Variants in UGT1A8 observed in about 807,000 individuals in gnomAD.
UGT1A8 encodes UDP glucuronosyltransferase family 1 member A8, also known as UDP-glucuronosyltransferase 1A8.
A neutral mutation model predicts 45.3 loss-of-function variants in UGT1A8; 39 were observed. The observed-to-expected ratio is 0.86, with a 90% CI of 0.67 to 1.12. The LOEUF is 1.12. Ranked by LOEUF, UGT1A8 falls within the 50% of genes most tolerant of loss-of-function variation. The pLI is 0.00. For missense variants in UGT1A8, 719 were observed against 664.9 expected, an observed-to-expected ratio of 1.08 and a Z score of -0.90; for synonymous variants, 275 against 249.2, an observed-to-expected ratio of 1.10 and a Z score of -0.97.
Position 233,729,631 on chromosome 2 carries a change from A to G in UGT1A8, c.856-37403A>G, listed in dbSNP as rs141036072. The stretch of plus-strand genomic sequence containing the variant: ...GCTGGCTAAGTACCTGTCGATTCCT[A>G]CTGTGTTTTTTTTGAGGAACATTCC... On this transcript the variant is annotated intron_variant, in intron 1 of 4. Coordinates refer to ENST00000373450, the MANE Select transcript of UGT1A8 (RefSeq NM_019076.5). 1,000 of 1,613,764 alleles carry G rather than the reference A, an allele frequency of 6.2e-4. 4 individuals are homozygous for G. The highest frequency in any genetic ancestry group is 6.0e-4 in the Non-Finnish European group (708 of 1,179,854).
chr2:233,620,360 T>C (rs1166042648), intron 1 of UGT1A8, among the ~76,000 whole-genome samples: 3 of 152,174 alleles, frequency 2.0e-5, no homozygotes, highest in Non-Finnish European at 4.4e-5. Flanking sequence ...GCACCACCCA[T>C]GTGTTGCCTG....
chr2:233,739,515 T>C (rs1354597011), intron 1 of UGT1A8, among the ~76,000 whole-genome samples: 1 of 152,234 alleles, frequency 6.6e-6, no homozygotes, highest in Non-Finnish European at 1.5e-5. Context: ...ATGTGAGACA[T>C]GAAGTCAAGG....
chr2:233,626,209 T>C (rs998936866), intron 1 of UGT1A8, among the ~76,000 whole-genome samples: 1 of 152,070 alleles, frequency 6.6e-6, no homozygotes, highest in African/African-American at 2.4e-5. Context: ...CCCATTTGCT[T>C]TAGTTTCAGT....
chr2:233,749,231 T>A (rs10178992), intron 1 of UGT1A8, among the ~76,000 whole-genome samples: 55,848 of 151,690 alleles, frequency 0.37, 10,811 homozygotes, highest in African/African-American at 0.42. Context: ...CTTCATTTTT[T>A]AAAATCAAAC....
At chr2:233,647,242 G>A (rs775039796) in intron 1 of UGT1A8, among the ~76,000 whole-genome samples, 1 of 152,146 alleles carries the variant, frequency 6.6e-6, no homozygotes, top group Non-Finnish European at 1.5e-5. Context: ...AATTCAAGAT[G>A]AGCTTTGGGT....
intron 1 of UGT1A8, chr2:233,744,109 G>C: frequency 2.5e-6 from 1 of 395,016 alleles, no homozygotes; most frequent in Non-Finnish European, 4.6e-6. Context: ...GACTGGCCCT[G>C]CTCTCTGTGA....
chr2:233,651,572 C>T (rs1327687110), intron 1 of UGT1A8, among the ~76,000 whole-genome samples: 1 of 151,878 alleles, frequency 6.6e-6, no homozygotes, highest in Admixed American at 6.6e-5. Context: ...CAAAGAGTGC[C>T]CTTTGACAAA....
chr2:233,718,727 A>C (rs1248220003), intron 1 of UGT1A8: 2 of 1,610,746 alleles, frequency 1.2e-6, no homozygotes, highest in East Asian at 2.2e-5. Context: ...CTGATTTGCT[A>C]GGTGGCTCAA....
At chr2:233,734,495 T>C (rs541063425) in intron 1 of UGT1A8, among the ~76,000 whole-genome samples, 38 of 152,346 alleles carry the variant, frequency 2.5e-4, no homozygotes, top group African/African-American at 9.1e-4. Flanking sequence ...TTGAAGGTTT[T>C]TTTGTGTCTC....
intron 1 of UGT1A8, chr2:233,754,734 T>C (rs1381377212): frequency 1.5e-6 from 1 of 652,198 alleles, no homozygotes; most frequent in Middle Eastern, 2.9e-4. Flanking sequence ...ATCACTACCG[T>C]AGGACATGCA....
intron 1 of UGT1A8, among the ~76,000 whole-genome samples, chr2:233,731,931 T>A (rs963793811): frequency 5.3e-5 from 8 of 152,216 alleles, no homozygotes; most frequent in Non-Finnish European, 1.0e-4. Context: ...TTTCTCCACA[T>A]CCTCTCCAAC....
chr2:233,636,937 G>A lies in UGT1A8; in HGVS notation c.855+18375G>A, dbSNP rs10187694. 2,362 of 1,614,128 alleles carry A rather than the reference G, an allele frequency of 1.5e-3. 36 individuals are homozygous for A. In the African/African-American group the frequency reaches 0.028, roughly 19 times the overall value. On this transcript the variant is annotated intron_variant, in intron 1 of 4. Transcript: ENST00000373450. ...CCGAAAATTAGTAGAATACTTAAAG[G>A]AGAGTTCTTTTGATGCAGTGTTTCT...
rs373150809 is a variant in UGT1A8, at chr2:233,672,158, A to G, written c.855+53596A>G. 1.4e-5 allele frequency: 22 copies of G among 1,614,080 alleles called. No homozygotes were observed. The highest frequency in any genetic ancestry group is 8.9e-5 in the East Asian group (4 of 44,902). Reference sequence around the variant, plus strand: ...GGAAGATCACTGAATTGCACAGTGAAGACTTATTCAACTTCATATACCCTG... The same window carrying G: ...GGAAGATCACTGAATTGCACAGTGAGGACTTATTCAACTTCATATACCCTG... On this transcript the variant is annotated intron_variant, in intron 1 of 4. Transcript: ENST00000373450.
chr2:233,744,980 G>A (rs1692979759), intron 1 of UGT1A8, among the ~76,000 whole-genome samples: 1 of 151,830 alleles, frequency 6.6e-6, no homozygotes, highest in Non-Finnish European at 1.5e-5. Context: ...TAAGCCTCTA[G>A]TCATCTCTTG....
chr2:233,740,275 T>C (rs1342427185), intron 1 of UGT1A8, among the ~76,000 whole-genome samples: 1 of 151,910 alleles, frequency 6.6e-6, no homozygotes, highest in Non-Finnish European at 1.5e-5. Context: ...ATTGAAGTTA[T>C]ACTGAAAGGG....
chr2:233,640,484 A>T (rs1196653309), intron 1 of UGT1A8, among the ~76,000 whole-genome samples: 1 of 152,194 alleles, frequency 6.6e-6, no homozygotes, highest in Non-Finnish European at 1.5e-5. Flanking sequence ...TCTCATTTCT[A>T]GCCCATAATT....
At chr2:233,642,389 A>G (rs543341146) in intron 1 of UGT1A8, among the ~76,000 whole-genome samples, 1 of 152,254 alleles carries the variant, frequency 6.6e-6, no homozygotes, top group African/African-American at 2.4e-5. Flanking sequence ...TCTTTGTTAA[A>G]TTTATATGCT....
intron 1 of UGT1A8, chr2:233,693,053 T>C (rs2075129505): frequency 6.2e-7 from 1 of 1,614,086 alleles, no homozygotes; most frequent in African/African-American, 1.3e-5. Context: ...AGGGGTTTTC[T>C]TCTTAGCACT....
rs1481234082 is a variant in UGT1A8 at position 233,745,697 on chromosome 2, C to T, written c.856-21337C>T. Among the ~76,000 whole-genome samples the T allele has an allele frequency of 4.1e-5, 6 of 147,560 alleles. 1 individual carries two copies. Among genetic ancestry groups the T allele is most frequent in the East Asian group, 2.0e-4 (1 of 4,980 alleles). ...GGAACATCAAAGCAAGTTTGGAGAA[C>T]AACAAGTGATCCAGAATGGCTGGAG... is the stretch of plus-strand genomic sequence containing the variant. On this transcript the variant is annotated intron_variant, in intron 1 of 4. Coordinates refer to ENST00000373450, the MANE Select transcript of UGT1A8 (RefSeq NM_019076.5).
Sources: allele counts gnomAD v4.1 joint callset (sites outside exome capture counted in the v4.1 genomes callset), GRCh38; gene constraint gnomAD v4.1.1; transcripts MANE v1.5; gene names NCBI Gene and HGNC (gene_info 2026-07-23, HGNC 2026-07-21).